Variants in LPIN1 observed in about 807,000 individuals in gnomAD.
The protein encoded by LPIN1 is phosphatidate phosphatase LPIN1.
LPIN1 carries 71 observed loss-of-function variants against 107.5 expected under a neutral mutation model. The ratio of observed to expected loss-of-function variants is 0.66; its 90% confidence interval spans 0.55 to 0.80. The LOEUF (loss-of-function observed/expected upper bound fraction) is 0.80, where lower values mean the gene tolerates loss of function less well. Among genes scored for constraint, LPIN1 ranks in the 30% least tolerant of loss-of-function variants. The pLI is 0.00. For missense variants in LPIN1, 1,043 were observed against 1,160.6 expected (o/e 0.90, Z 1.47); for synonymous variants, 445 against 452.6 (o/e 0.98, Z 0.21).
intron 1 of LPIN1, among the ~76,000 whole-genome samples, chr2:11,731,287 C>T (rs1363163869): frequency 6.6e-6 from 1 of 151,518 alleles, no homozygotes; most frequent in Admixed American, 6.6e-5. Context: ...TCCATGTGTT[C>T]TCATTGTTCA....
chr2:11,805,389 T>A (rs577083924), intron 17 of LPIN1: 31 of 611,256 alleles, frequency 5.1e-5, no homozygotes, highest in African/African-American at 4.7e-4. Context: ...TATAGGGGAA[T>A]TGATTACTAG....
At position 11,820,539 on chromosome 2, in the gene LPIN1, G is replaced by T. The variant is rs768978515; in HGVS notation, c.2621+25G>T. The T allele has an allele frequency of 4.7e-5, 71 of 1,511,082 alleles. No individual in the cohort carries two copies. In the South Asian group the frequency reaches 7.9e-4, roughly 17 times the overall value. 93.6% of individuals were successfully genotyped at this position (1,511,082 alleles called of 1,614,324 possible). On this transcript the variant is annotated intron_variant, in intron 20 of 20. Transcript: ENST00000674199. ...CGTGAGTATTGTACACATTTTATGT[G>T]ATTATGATATCAGTACTATTATCTT... is the stretch of plus-strand genomic sequence containing the variant.
chr2:11,807,099 A>G (rs1678834732), intron 17 of LPIN1, among the ~76,000 whole-genome samples: 1 of 152,218 alleles, frequency 6.6e-6, no homozygotes, highest in Non-Finnish European at 1.5e-5. Flanking sequence ...ATGATATATA[A>G]TGCATGTATA....
At chr2:11,787,329 A>G (rs796277566) in intron 11 of LPIN1, among the ~76,000 whole-genome samples, 162 bp downstream of exon 11, 1 of 151,788 alleles carries the variant, frequency 6.6e-6, no homozygotes, top group African/African-American at 2.4e-5. Context: ...CCATGCCAAT[A>G]GAATTGGCAA....
intron 1 of LPIN1, among the ~76,000 whole-genome samples, chr2:11,752,127 TACA>T (rs1375656636): frequency 6.6e-6 from 1 of 152,218 alleles, no homozygotes; most frequent in Non-Finnish European, 1.5e-5. Flanking sequence ...ACTGTATTTG[TACA>T]ATCAGTTCCC....
intron 17 of LPIN1, among the ~76,000 whole-genome samples, chr2:11,810,827 C>G (rs1460416891): frequency 6.6e-6 from 1 of 152,218 alleles, no homozygotes; most frequent in Non-Finnish European, 1.5e-5. Flanking sequence ...TAGAAGCTTG[C>G]AAAATGCTCC....
intron 1 of LPIN1, among the ~76,000 whole-genome samples, chr2:11,732,669 C>CA (rs543240401): frequency 5.8e-4 from 88 of 152,288 alleles, no homozygotes; most frequent in African/African-American, 2.1e-3. Context: ...TGATAAATGG[C>CA]AATGTCATAA....
chr2:11,825,042 G>A lies in LPIN1; in HGVS notation c.*251G>A, dbSNP rs1682191569. On this transcript the variant is annotated 3_prime_UTR_variant, in exon 21 of 21. Transcript: ENST00000674199. This position sits in a 1 kb window ranked among gnomAD's most constrained non-coding sequence, Gnocchi z 4.1. ...ACCGTGAAAAGCATTCCTCAGTTGTGGCTTAATGCCAGTTACGACGCTGCC... is the reference window on the plus strand; with the variant it reads ...ACCGTGAAAAGCATTCCTCAGTTGTAGCTTAATGCCAGTTACGACGCTGCC... The A allele has an allele frequency of 1.8e-6, 1 of 543,472 alleles. No individual in the cohort carries two copies. The highest frequency in any genetic ancestry group is 3.1e-5 in the Admixed American group (1 of 31,892). The allele number at this position is 543,472 out of a possible 1,614,324, so 33.7% of individuals were successfully genotyped here.
At chr2:11,729,228 T>C (rs1159491053) in intron 1 of LPIN1, among the ~76,000 whole-genome samples, 2 of 152,184 alleles carry the variant, frequency 1.3e-5, no homozygotes. Context: ...GATGGGTTGA[T>C]AGGTGCAGCA....
At chr2:11,804,384 C>T in intron 15 of LPIN1, 39 bp from the exon 16 acceptor site, 2 of 1,613,144 alleles carry the variant, frequency 1.2e-6, no homozygotes, top group South Asian at 1.1e-5. Context: ...CAGGGCCTTT[C>T]CCTCAAGCAG....
chr2:11,730,077 C>T (rs145939868), intron 1 of LPIN1, among the ~76,000 whole-genome samples: 475 of 152,224 alleles, frequency 3.1e-3, no homozygotes, highest in Non-Finnish European at 5.6e-3. Flanking sequence ...TACTCTTTCT[C>T]TCTTTCTCTT....
At chr2:11,742,229 G>T (rs375525777), upstream of LPIN1, 1 of 152,268 alleles carries the variant, frequency 6.6e-6, no homozygotes. Context: ...CTGCGTATAC[G>T]ATGGTGCTCC....
chr2:11,802,787 C>A, intron 14 of LPIN1, 120 bp from the exon 15 acceptor site: 1 of 1,180,696 alleles, frequency 8.5e-7, no homozygotes, highest in Non-Finnish European at 1.3e-6. Flanking sequence ...TAAATGACCA[C>A]CCGAGAGACG....
chr2:11,761,877 A>C (rs1669889491), intron 1 of LPIN1, among the ~76,000 whole-genome samples: 2 of 152,054 alleles, frequency 1.3e-5, no homozygotes, highest in South Asian at 4.2e-4. Context: ...CTGACACCAA[A>C]CGTGTGTGTG....
chr2:11,779,166 G>A (rs970671819), intron 6 of LPIN1, among the ~76,000 whole-genome samples: 1 of 152,246 alleles, frequency 6.6e-6, no homozygotes, highest in Admixed American at 6.5e-5. Flanking sequence ...GATTGCAGGA[G>A]ATGCGAGTGC....
intron 1 of LPIN1, 100 bp downstream of exon 1, chr2:11,746,771 C>A: frequency 1.8e-6 from 1 of 567,258 alleles, no homozygotes; most frequent in South Asian, 7.6e-5. Context: ...GGACGCGTGG[C>A]GAGGCGGGGG....
At position 11,815,218 on chromosome 2, in the gene LPIN1, A is replaced by C; in HGVS notation, c.2380A>C (p.Ser794Arg). ...PQGPLLLSPS[S>R]LFSALHREVI... ...GGGGCCCCTGCTGCTGAGTCCCAGC[A>C]GCCTCTTCTCTGCCCTGCACAGGTA... The change falls in exon 18 of 21, where the codon AGC (serine) becomes CGC (arginine). Residue 794 changes from serine to arginine, a missense_variant. Ser to Arg is a moderately radical substitution (Grantham distance 110). Transcript: ENST00000674199. 1 of 1,614,158 alleles carries C rather than the reference A, an allele frequency of 6.2e-7. No homozygotes were observed. The highest frequency in any genetic ancestry group is 8.5e-7 in the Non-Finnish European group (1 of 1,180,016).
intron 1 of LPIN1, among the ~76,000 whole-genome samples, chr2:11,681,659 G>A (rs1661721999): frequency 6.6e-6 from 1 of 152,106 alleles, no homozygotes; most frequent in South Asian, 2.1e-4. Context: ...CTTCTACCAC[G>A]TCCCCGTGCT....
chr2:11,683,155 T>C (rs1341502349), intron 1 of LPIN1: 1 of 152,194 alleles, frequency 6.6e-6, no homozygotes, highest in Non-Finnish European at 1.5e-5. Context: ...ATGGATTATG[T>C]GACTCCACAT....
Sources: allele counts gnomAD v4.1 joint callset (sites outside exome capture counted in the v4.1 genomes callset), GRCh38; gene constraint gnomAD v4.1.1; non-coding constraint Gnocchi (gnomAD v3.1); transcripts MANE v1.5; gene names NCBI Gene and HGNC (gene_info 2026-07-23, HGNC 2026-07-21).